Variants in CNTNAP3 observed in about 807,000 individuals in gnomAD.
CNTNAP3 encodes contactin-associated protein-like 3.
CNTNAP3 carries 36 observed loss-of-function variants against 92.1 expected under a neutral mutation model. That is an observed-to-expected ratio of 0.39 (90% CI 0.30 to 0.52). The LOEUF (loss-of-function observed/expected upper bound fraction) is 0.52. CNTNAP3 is among the 20% of genes least tolerant of loss of function. The pLI is 0.76. For missense variants in CNTNAP3, 534 were observed against 1,069.6 expected (o/e 0.50, Z 6.98); for synonymous variants, 232 against 422.3 (o/e 0.55, Z 5.53).
At chr9:39,117,863 G>A (rs1272870325) in intron 14 of CNTNAP3, 1 of 835,106 alleles carries the variant, frequency 1.2e-6, no homozygotes, top group Admixed American at 3.7e-5. Context: ...CTTAACAGCT[G>A]TTTCTCTTTT....
intron 17 of CNTNAP3, among the ~76,000 whole-genome samples, chr9:39,101,090 A>C (rs1197946506): frequency 1.2e-4 from 18 of 148,644 alleles, no homozygotes; most frequent in Non-Finnish European, 1.9e-4. Flanking sequence ...CCAAGATTAC[A>C]AGTGAGAAAA....
At chr9:39,125,880 A>G (rs915971169) in intron 13 of CNTNAP3, among the ~76,000 whole-genome samples, 1 of 152,180 alleles carries the variant, frequency 6.6e-6, no homozygotes, top group Non-Finnish European at 1.5e-5. Context: ...ATCCATTATT[A>G]CCACTGGAGA....
At chr9:39,130,255 A>G (rs553184202) in intron 13 of CNTNAP3, among the ~76,000 whole-genome samples, 1 of 152,196 alleles carries the variant, frequency 6.6e-6, no homozygotes, top group South Asian at 2.1e-4. Context: ...ATGCCCTTCA[A>G]TGAGTGAATA....
chr9:39,137,783 G>A (rs185300935), intron 12 of CNTNAP3, among the ~76,000 whole-genome samples: 28 of 152,256 alleles, frequency 1.8e-4, no homozygotes, highest in South Asian at 1.7e-3. Context: ...CACAGTGCTG[G>A]GATTACAGGC....
chr9:39,090,578 T>C (rs1255217195), intron 18 of CNTNAP3, among the ~76,000 whole-genome samples: 1 of 152,312 alleles, frequency 6.6e-6, no homozygotes, highest in Non-Finnish European at 1.5e-5. Flanking sequence ...CAATGAGCTA[T>C]CTGTTTAGTC....
chr9:39,105,294 G>A (rs1478256266), intron 15 of CNTNAP3, among the ~76,000 whole-genome samples: 1 of 152,132 alleles, frequency 6.6e-6, no homozygotes, highest in East Asian at 1.9e-4. Context: ...AGGCATGGTG[G>A]TGGGTGCCTG....
At position 39,238,551 on chromosome 9, in the gene CNTNAP3, A is replaced by AAAC. The variant is rs1359486859; in HGVS notation, c.390+441_390+442insGTT. On this transcript the variant is annotated intron_variant, in intron 3 of 23. Coordinates refer to ENST00000297668, the MANE Select transcript of CNTNAP3 (RefSeq NM_033655.5). ...TTAAAATAAAAAAAAAACAAAAAAC[A>AAAC]AAAAAAAAAAAAACAAGAAAAACTA... Among the ~76,000 whole-genome samples, 34 of 4,386 alleles carry AAAC rather than the reference A, an allele frequency of 7.8e-3. 14 individuals carry two copies. Among genetic ancestry groups the AAAC allele is most frequent in the African/African-American group, 8.3e-3 (34 of 4,114 alleles). The allele number at this position is 4,386 out of a possible 152,430, so 2.9% of individuals were successfully genotyped here. A position where few individuals can be genotyped will look rare whatever the true frequency, so the allele number is the denominator to read the frequency against.
At chr9:39,108,930 GTAA>G (rs760070250) in intron 15 of CNTNAP3, among the ~76,000 whole-genome samples, 1 of 152,096 alleles carries the variant, frequency 6.6e-6, no homozygotes, top group Non-Finnish European at 1.5e-5. Context: ...AGCCAAGCAA[GTAA>G]TAAGTTAAAA....
In CNTNAP3 at chr9:39,072,341, T is replaced by C. The variant is rs1367226396; in HGVS notation, c.*1549A>G. Among the ~76,000 whole-genome samples, 1 of 147,700 alleles carries C rather than the reference T, an allele frequency of 6.8e-6. No individual in the cohort carries two copies. The highest frequency in any genetic ancestry group is 1.5e-5 in the Non-Finnish European group (1 of 67,344). On this transcript the variant is annotated 3_prime_UTR_variant, in exon 24 of 24. Coordinates refer to ENST00000297668, the MANE Select transcript of CNTNAP3 (RefSeq NM_033655.5). ...TGGAAGAAATATACCATCTCATTAG[T>C]CCTTGGTAGGCAGTTGGTATCTGGA...
At chr9:39,121,840 A>G (rs1821030601) in intron 13 of CNTNAP3, among the ~76,000 whole-genome samples, 1 of 152,142 alleles carries the variant, frequency 6.6e-6, no homozygotes, top group Admixed American at 6.5e-5. Flanking sequence ...CATTTTTGAA[A>G]TAAGCGCAGA....
At chr9:39,138,588 C>A (rs1441353912) in intron 12 of CNTNAP3, among the ~76,000 whole-genome samples, 1 of 152,176 alleles carries the variant, frequency 6.6e-6, no homozygotes, top group African/African-American at 2.4e-5. Context: ...TTTCACCTTC[C>A]CTTTCTGGAA....
intron 13 of CNTNAP3, among the ~76,000 whole-genome samples, chr9:39,128,056 C>G (rs1329871707): frequency 6.6e-6 from 1 of 152,164 alleles, no homozygotes; most frequent in East Asian, 1.9e-4. Context: ...CCAGGCAGGT[C>G]TCGAACTCCT....
At chr9:39,131,500 G>A (rs1321424290) in intron 13 of CNTNAP3, among the ~76,000 whole-genome samples, 6 of 151,534 alleles carry the variant, frequency 4.0e-5, no homozygotes, top group Non-Finnish European at 1.5e-5. Context: ...CCCAGATGCC[G>A]ACTGCACAGG....
chr9:39,106,629 A>C (rs1156591717), intron 15 of CNTNAP3: 2 of 152,194 alleles, frequency 1.3e-5, no homozygotes, highest in African/African-American at 4.8e-5. Flanking sequence ...ATATAAACTG[A>C]AGGTGAATGA....
At chr9:39,136,166 A>AAT (rs1821428721) in intron 12 of CNTNAP3, among the ~76,000 whole-genome samples, 10 of 136,746 alleles carry the variant, frequency 7.3e-5, no homozygotes, top group African/African-American at 1.4e-4. Flanking sequence ...ATAATAATAA[A>AAT]AATAATAGTT....
At chr9:39,248,619 C>T (rs1303171755) in intron 2 of CNTNAP3, among the ~76,000 whole-genome samples, 1 of 8,934 alleles carries the variant, frequency 1.1e-4, no homozygotes, top group African/African-American at 1.5e-4. Flanking sequence ...TTACAACAGG[C>T]AGAGTCTCGC....
At chr9:39,285,931 T>C (rs1406680354) in intron 1 of CNTNAP3, among the ~76,000 whole-genome samples, 1 of 56,562 alleles carries the variant, frequency 1.8e-5, no homozygotes, top group Admixed American at 1.9e-4. Flanking sequence ...GAGCAACTCA[T>C]GGTGTCTACA....
intron 12 of CNTNAP3, among the ~76,000 whole-genome samples, chr9:39,137,407 T>C (rs1415083238): frequency 6.6e-6 from 1 of 152,324 alleles, no homozygotes; most frequent in East Asian, 1.9e-4. Flanking sequence ...TTGCATGCTA[T>C]CTATTTTATC....
At chr9:39,080,156 T>TG in intron 21 of CNTNAP3, among the ~76,000 whole-genome samples, 1 of 136,168 alleles carries the variant, frequency 7.3e-6, no homozygotes, top group East Asian at 2.2e-4. Flanking sequence ...TTGGTCAGGC[T>TG]ACTCTAAGCT....
Sources: gnomAD v4.1 joint callset for allele counts (sites outside exome capture counted in the v4.1 genomes callset) on GRCh38, gnomAD v4.1.1 for gene constraint, MANE v1.5 for transcripts, NCBI Gene and HGNC (gene_info 2026-07-23, HGNC 2026-07-21) for gene names.